The following BRSK2 variants were observed in gnomAD, a reference collection of about 807,000 sequenced individuals.
BRSK2 encodes the protein serine/threonine-protein kinase BRSK2.
BRSK2 carries 19 observed loss-of-function variants against 83.3 expected under a neutral mutation model. The observed-to-expected ratio is 0.23, with a 90% CI of 0.16 to 0.33. The LOEUF is 0.33. Among genes scored for constraint, BRSK2 ranks in the 10% least tolerant of loss-of-function variants. The pLI is 1.00. For missense variants in BRSK2, 798 were observed against 1,042.3 expected (o/e 0.77, Z 3.23); for synonymous variants, 519 against 435.4 (o/e 1.19, Z -2.39).
chr11:1,447,240 G>C (rs1231191629), intron 12 of BRSK2, among the ~76,000 whole-genome samples: 1 of 152,150 alleles, frequency 6.6e-6, no homozygotes, highest in African/African-American at 2.4e-5. Flanking sequence ...GCATGTCATG[G>C]GGGCACCACA....
chr11:1,413,969 C>G (rs935701008), intron 1 of BRSK2, among the ~76,000 whole-genome samples: 1 of 152,252 alleles, frequency 6.6e-6, no homozygotes, highest in Non-Finnish European at 1.5e-5. Context: ...CAGCGCCAGC[C>G]ACTTCCTCAC....
At chr11:1,396,045 G>A (rs1311226746) in intron 1 of BRSK2, among the ~76,000 whole-genome samples, 3 of 152,188 alleles carry the variant, frequency 2.0e-5, no homozygotes, top group Non-Finnish European at 4.4e-5. Context: ...CACGACCCAA[G>A]CTCCAGGGCC....
chr11:1,457,016 C>T (rs778092998), intron 18 of BRSK2: 7 of 1,595,274 alleles, frequency 4.4e-6, no homozygotes, highest in Middle Eastern at 1.7e-4. Flanking sequence ...AGAAGGTGGC[C>T]ACCAGCTACG....
intron 18 of BRSK2, among the ~76,000 whole-genome samples, chr11:1,458,251 C>T (rs533942910): frequency 7.9e-4 from 121 of 152,230 alleles, no homozygotes; most frequent in Non-Finnish European, 1.5e-3. Flanking sequence ...CAGCCTGGCC[C>T]CTTAAAGTGT....
intron 1 of BRSK2, among the ~76,000 whole-genome samples, chr11:1,402,690 C>T (rs1025889692): frequency 5.9e-5 from 9 of 152,192 alleles, no homozygotes; most frequent in African/African-American, 2.2e-4. Flanking sequence ...GGCCAGGACT[C>T]AGGAGGCCAG....
intron 1 of BRSK2, among the ~76,000 whole-genome samples, chr11:1,394,025 C>T (rs541870769): frequency 7.2e-4 from 89 of 123,576 alleles, no homozygotes; most frequent in African/African-American, 2.5e-3. Context: ...TGGAGATGGG[C>T]CATGGAGATG....
At chr11:1,449,911 G>GTGCCA (rs1470586673) in intron 13 of BRSK2, 75 bp downstream of exon 13, 2 of 1,228,838 alleles carry the variant, frequency 1.6e-6, no homozygotes, top group African/African-American at 3.0e-5. Context: ...GTGCCAGGGT[G>GTGCCA]GGGGCAGCCT....
At chr11:1,443,458 C>T (rs752164578) in intron 7 of BRSK2, 31 bp from the exon 8 acceptor site, 2 of 1,574,954 alleles carry the variant, frequency 1.3e-6, no homozygotes, top group Non-Finnish European at 1.7e-6. Context: ...CCTGCCCCCC[C>T]ACGCTGACCC....
intron 4 of BRSK2, 23 bp downstream of exon 4, chr11:1,440,951 C>T: frequency 6.3e-7 from 1 of 1,596,916 alleles, no homozygotes; most frequent in Non-Finnish European, 8.5e-7. Flanking sequence ...CCCTGGTGCC[C>T]CCCACTCCCC....
At chr11:1,441,971 C>T (rs796152609) in intron 4 of BRSK2, among the ~76,000 whole-genome samples, 2 of 65,606 alleles carry the variant, frequency 3.0e-5, no homozygotes, top group African/African-American at 1.3e-4. Context: ...CCATTAGCTA[C>T]CCCTCAAGTG....
intron 19 of BRSK2, 38 bp from the exon 20 acceptor site, chr11:1,460,462 T>C (rs1353827154): frequency 1.5e-4 from 2 of 13,162 alleles, no homozygotes; most frequent in Non-Finnish European, 2.8e-4. Flanking sequence ...TCTTTTTTCC[T>C]TTTTTTTTTT....
At position 1,461,185 on chromosome 11, in the gene BRSK2, C is replaced by T. The variant is rs1253746692; in HGVS notation, c.*462C>T. 8.8e-6 allele frequency: 7 copies of T among 791,788 alleles called. No homozygotes were observed. The highest frequency in any genetic ancestry group is 1.3e-5 in the Non-Finnish European group (7 of 521,614). The allele number at this position is 791,788 out of a possible 1,614,324, so 49.0% of individuals were successfully genotyped here. On this transcript the variant is annotated 3_prime_UTR_variant, in exon 20 of 20. Coordinates refer to ENST00000528841, the MANE Select transcript of BRSK2 (RefSeq NM_001256627.2). ...TCGGGGGAGCCTCCTCCAGCCCGGC[C>T]GACCCGGACTCCCGGTCACCTGACC...
At chr11:1,399,378 G>T (rs1846326562) in intron 1 of BRSK2, among the ~76,000 whole-genome samples, 1 of 152,218 alleles carries the variant, frequency 6.6e-6, no homozygotes, top group Non-Finnish European at 1.5e-5. Context: ...GTCAGCCTCA[G>T]GACAGCCGAG....
At chr11:1,416,956 C>T (rs559231070) in intron 1 of BRSK2, among the ~76,000 whole-genome samples, 8 of 152,268 alleles carry the variant, frequency 5.3e-5, no homozygotes, top group Admixed American at 2.0e-4. Context: ...GTCAGGCGTT[C>T]GAGACCAGCC....
intron 1 of BRSK2, among the ~76,000 whole-genome samples, chr11:1,415,647 G>T (rs1432491473): frequency 6.6e-6 from 1 of 152,218 alleles, no homozygotes; most frequent in Non-Finnish European, 1.5e-5. Flanking sequence ...AGGCAGCCCT[G>T]GTCCCTGCTG....
chr11:1,443,427 C>G, intron 7 of BRSK2, 24 bp downstream of exon 7: 1 of 1,586,244 alleles, frequency 6.3e-7, no homozygotes, highest in African/African-American at 1.3e-5. Context: ...CCCCTCAACC[C>G]TGCCCTGGCC....
rs1166753371 is a variant in BRSK2, at chr11:1,390,927, C to CGGCTCG, written c.91+562_91+567dup. Among the ~76,000 whole-genome samples the CGGCTCG allele has an allele frequency of 1.8e-4, 28 of 152,196 alleles. No individual in the cohort carries two copies. The highest frequency in any genetic ancestry group is 4.1e-4 in the South Asian group (2 of 4,836). ...GGCTGGACAGCGCCTTGCGCTGCTC[C>CGGCTCG]GGCTCGGGCTCGGGCGGGCGGAGCG... is the stretch of plus-strand genomic sequence containing the variant. On this transcript the variant is annotated intron_variant, in intron 1 of 19. Transcript: ENST00000528841. This position sits in a 1 kb window ranked among gnomAD's most constrained non-coding sequence, Gnocchi z 6.8.
intron 1 of BRSK2, among the ~76,000 whole-genome samples, chr11:1,425,364 G>T (rs1244801467): frequency 6.6e-6 from 1 of 152,210 alleles, no homozygotes; most frequent in African/African-American, 2.4e-5. Flanking sequence ...GCCCTGCAGG[G>T]CACTGCTGCC....
chr11:1,446,669 G>A (rs1219344578), intron 12 of BRSK2, among the ~76,000 whole-genome samples: 1 of 150,152 alleles, frequency 6.7e-6, no homozygotes, highest in Non-Finnish European at 1.5e-5. Flanking sequence ...TCTGCTGGGT[G>A]GGGGCAGGGC....
Sources: allele counts gnomAD v4.1 joint callset (sites outside exome capture counted in the v4.1 genomes callset), GRCh38; gene constraint gnomAD v4.1.1; non-coding constraint Gnocchi (gnomAD v3.1); transcripts MANE v1.5; gene names NCBI Gene and HGNC (gene_info 2026-07-23, HGNC 2026-07-21).